Variants in MEI1 observed in about 807,000 individuals in gnomAD.
MEI1 encodes meiotic double-stranded break formation protein 1.
In MEI1, 103 loss-of-function variants were observed where a neutral mutation model predicts 146.2. That is an observed-to-expected ratio of 0.70 (90% confidence interval 0.60 to 0.83). The LOEUF (loss-of-function observed/expected upper bound fraction) is 0.83. Among genes scored for constraint, MEI1 ranks in the 40% least tolerant of loss-of-function variants. MEI1 has a pLI of 0.00. For missense variants in MEI1, 1,529 were observed against 1,533.0 expected (o/e 1.00, Z 0.04); for synonymous variants, 652 against 628.2 (o/e 1.04, Z -0.57).
chr22:41,723,649 TC>T (rs2071066067), intron 6 of MEI1, among the ~76,000 whole-genome samples: 1 of 152,152 alleles, frequency 6.6e-6, no homozygotes, highest in Admixed American at 6.5e-5. Context: ...TTGAAAAAAC[TC>T]ACATTATTCC....
Position 41,799,253 on chromosome 22 carries a change from G to C in MEI1, c.3780-1G>C. 6.2e-7 allele frequency: 1 copy of C among 1,613,174 alleles called. No individual in the cohort carries two copies. Among genetic ancestry groups the C allele is most frequent in the Middle Eastern group, 1.7e-4 (1 of 6,058 alleles). On this transcript the variant is annotated splice_acceptor_variant, in intron 30 of 30. Transcript: ENST00000401548. LOFTEE classifies it high-confidence loss of function. ...GTTTTCCTCTCATGTTTTGCTGCCA[G>C]CTGCCTGGGAGGGGTGGCTGTATCC...
chr22:41,776,858 C>A (rs897282990), intron 21 of MEI1, among the ~76,000 whole-genome samples: 13 of 151,882 alleles, frequency 8.6e-5, no homozygotes, highest in African/African-American at 3.1e-4. Flanking sequence ...CTGTCACCCA[C>A]GCTGGAGTGC....
chr22:41,769,373 AAGTTGGACTCTT>A (rs1418897379), intron 19 of MEI1, among the ~76,000 whole-genome samples: 1 of 152,230 alleles, frequency 6.6e-6, no homozygotes, highest in East Asian at 1.9e-4. Context: ...CAAAAGAATG[AAGTTGGACTCTT>A]AACTCATATC....
chr22:41,730,854 G>A (rs959534079), intron 9 of MEI1, among the ~76,000 whole-genome samples: 1 of 152,068 alleles, frequency 6.6e-6, no homozygotes, highest in African/African-American at 2.4e-5. Flanking sequence ...ATGTTTAGAC[G>A]CTTCAGCAAG....
intron 26 of MEI1, among the ~76,000 whole-genome samples, chr22:41,793,420 A>G (rs1206372735): frequency 4.0e-5 from 6 of 151,800 alleles, no homozygotes; most frequent in African/African-American, 7.2e-5. Context: ...TCCTGCCTCA[A>G]CCTCCTCAGT....
At chr22:41,738,464 G>C (rs1025988949) in intron 11 of MEI1, among the ~76,000 whole-genome samples, 6 of 152,070 alleles carry the variant, frequency 3.9e-5, no homozygotes, top group African/African-American at 7.2e-5. Flanking sequence ...GCGGGTGCCT[G>C]TAATTCCAGC....
In MEI1 at chr22:41,795,773, C is replaced by T; in HGVS notation, c.3705C>T (p.Ala1235=). Residue 1235 remains alanine, a synonymous_variant, in exon 30 of 31, where the codon GCC becomes GCT. Transcript: ENST00000401548. The surrounding 1 kb of genome is among the most constrained non-coding windows in gnomAD (Gnocchi z 4.2). ...GACACCTGGCTGACCACAGCATGGC[C>T]CAGACCCTGCAGGCCTCCTTGGAGG... The part of the protein sequence containing the change: ...SMGHLADHSM[A]QTLQASLEGL... The T allele has an allele frequency of 1.2e-6, 2 of 1,613,830 alleles. No individual in the cohort carries two copies. The highest frequency in any genetic ancestry group is 1.7e-6 in the Non-Finnish European group (2 of 1,179,826).
intron 17 of MEI1, among the ~76,000 whole-genome samples, chr22:41,755,893 G>C (rs1217312496): frequency 6.6e-6 from 1 of 152,048 alleles, no homozygotes; most frequent in Non-Finnish European, 1.5e-5. Context: ...TGCTTGCCCA[G>C]GACTTGGCCC....
chr22:41,758,331 C>G (rs762854196), intron 17 of MEI1, 34 bp from the exon 18 acceptor site: 2 of 1,596,144 alleles, frequency 1.3e-6, no homozygotes, highest in East Asian at 4.5e-5. Flanking sequence ...TCTATGTTCT[C>G]TGTGTGGCTT....
chr22:41,707,522 G>C (rs963044254), intron 3 of MEI1, among the ~76,000 whole-genome samples: 2 of 152,148 alleles, frequency 1.3e-5, no homozygotes, highest in African/African-American at 4.8e-5. Flanking sequence ...GAAGTGCTAA[G>C]GTGCCAGGCA....
At chr22:41,782,868 A>G (rs2075815633) in intron 24 of MEI1, among the ~76,000 whole-genome samples, 1 of 151,646 alleles carries the variant, frequency 6.6e-6, no homozygotes, top group Non-Finnish European at 1.5e-5. Context: ...GCTCCTAGCT[A>G]CCTCCAGTGC....
chr22:41,796,193 T>C (rs1426932301), intron 30 of MEI1, among the ~76,000 whole-genome samples: 2 of 152,096 alleles, frequency 1.3e-5, no homozygotes, highest in Non-Finnish European at 2.9e-5. Flanking sequence ...TATATATTTA[T>C]TTATTCATTT....
chr22:41,754,359 T>G (rs2073958298), intron 17 of MEI1, among the ~76,000 whole-genome samples: 1 of 152,212 alleles, frequency 6.6e-6, no homozygotes, highest in African/African-American at 2.4e-5. Flanking sequence ...GAGTCCAGTG[T>G]TCACTATAGC....
At chr22:41,778,974 A>G (rs2075613538) in intron 22 of MEI1, 162 bp downstream of exon 22, 1 of 578,820 alleles carries the variant, frequency 1.7e-6, no homozygotes, top group Non-Finnish European at 3.1e-6. Flanking sequence ...AGGACCTCTC[A>G]GGGCTTTCTC....
intron 5 of MEI1, among the ~76,000 whole-genome samples, chr22:41,717,272 C>T (rs143911011): frequency 0.016 from 2,491 of 152,240 alleles, 27 homozygotes; most frequent in Non-Finnish European, 0.025. Flanking sequence ...AAGTGATTTT[C>T]CTGCTTCAGC....
chr22:41,794,326 C>G, intron 27 of MEI1, 45 bp from the exon 28 acceptor site: 4 of 1,541,032 alleles, frequency 2.6e-6, no homozygotes, highest in Non-Finnish European at 2.7e-6. Context: ...AGCAATGTCC[C>G]AAGGCAAGGT....
Position 41,752,632 on chromosome 22 carries a change from A to G in MEI1, c.1834A>G (p.Arg612Gly), listed in dbSNP as rs764594822. The G allele has an allele frequency of 2.5e-6, 4 of 1,598,432 alleles. No homozygotes were observed. In the African/African-American group the frequency reaches 5.4e-5, roughly 21 times the overall value. Reference protein sequence around the residue: ...FIRLTLELKARFCSGLSHSAL... With the variant: ...FIRLTLELKAGFCSGLSHSAL... ...ACGACTGACCCTGGAGCTGAAGGCC[A>G]GGTTTTGCAGTGGTCTGAGGTATGT... The change falls in exon 16 of 31, where the codon AGG becomes GGG. Residue 612 changes from arginine to glycine, a missense_variant. Transcript: ENST00000401548.
intron 11 of MEI1, among the ~76,000 whole-genome samples, chr22:41,740,809 C>G (rs537869325): frequency 6.6e-6 from 1 of 152,054 alleles, no homozygotes; most frequent in Admixed American, 6.6e-5. Flanking sequence ...GTAGGATCGT[C>G]AAACTTGGAG....
intron 11 of MEI1, among the ~76,000 whole-genome samples, chr22:41,739,918 G>C (rs2072712741): frequency 6.6e-6 from 1 of 152,284 alleles, no homozygotes; most frequent in South Asian, 2.1e-4. Flanking sequence ...TGACCAGCAG[G>C]TTACATGAAG....
Sources: gnomAD v4.1 joint callset for allele counts (sites outside exome capture counted in the v4.1 genomes callset) on GRCh38, gnomAD v4.1.1 for gene constraint, Gnocchi (gnomAD v3.1) non-coding constraint, MANE v1.5 for transcripts, NCBI Gene and HGNC (gene_info 2026-07-23, HGNC 2026-07-21) for gene names.